The following F13A1 variants were observed in gnomAD, a reference collection of about 807,000 sequenced individuals.
F13A1 encodes the protein FSF, A subunit.
F13A1 carries 47 observed loss-of-function variants against 80.1 expected under a neutral mutation model. The ratio of observed to expected loss-of-function variants is 0.59; its 90% CI spans 0.46 to 0.75. The LOEUF is 0.75. Among genes scored for constraint, F13A1 ranks in the 30% least tolerant of loss-of-function variants. F13A1 has a pLI of 0.00. For synonymous variants in F13A1, 349 were observed against 344.9 expected (o/e 1.01, Z -0.13); for missense variants, 817 against 930.4 (o/e 0.88, Z 1.59).
At chr6:6,264,885 T>C (rs1187651162) in intron 4 of F13A1, among the ~76,000 whole-genome samples, 2 of 152,154 alleles carry the variant, frequency 1.3e-5, no homozygotes, top group Admixed American at 6.6e-5. Flanking sequence ...GATAGGAGTG[T>C]TGGGTACAAT....
Position 6,272,988 on chromosome 6 carries a change from T to C in F13A1, c.320-6179A>G, listed in dbSNP as rs2113132019. 1.3e-5 allele frequency among the ~76,000 whole-genome samples: 2 copies of C among 152,338 alleles called. 1 individual carries two copies. Among genetic ancestry groups the C allele is most frequent in the East Asian group, 3.9e-4 (2 of 5,180 alleles). On this transcript the variant is annotated intron_variant, in intron 3 of 14. Transcript: ENST00000264870. ...AAAAGCTTAAAACAATGACAGCGCA[T>C]TCCTCCACTTGCTTTCTGAGGATAC...
intron 13 of F13A1, among the ~76,000 whole-genome samples, chr6:6,164,750 C>T (rs892903494): frequency 1.3e-5 from 2 of 150,016 alleles, no homozygotes; most frequent in African/African-American, 4.9e-5. Flanking sequence ...TCCTCTTTTT[C>T]TCCTCTCCAT....
intron 2 of F13A1, among the ~76,000 whole-genome samples, chr6:6,316,079 A>ATGTG (rs1758677793): frequency 1.4e-3 from 4 of 2,858 alleles, no homozygotes; most frequent in Non-Finnish European, 2.1e-3. Context: ...GTGTGTGTGC[A>ATGTG]TATATATATA....
chr6:6,289,159 C>T (rs1023119777), intron 3 of F13A1, among the ~76,000 whole-genome samples: 7 of 152,116 alleles, frequency 4.6e-5, no homozygotes, highest in African/African-American at 1.4e-4. Flanking sequence ...TCCTTATTTG[C>T]AGGTGAGGAA....
At chr6:6,251,368 G>A (rs1757630356) in intron 4 of F13A1, among the ~76,000 whole-genome samples, 1 of 152,104 alleles carries the variant, frequency 6.6e-6, no homozygotes, top group South Asian at 2.1e-4. Flanking sequence ...TGGGACACGT[G>A]AGAAGGCCCA....
chr6:6,174,972 A>G, intron 11 of F13A1, 105 bp from the exon 12 acceptor site: 1 of 1,393,294 alleles, frequency 7.2e-7, no homozygotes, highest in Non-Finnish European at 1.0e-6. Context: ...TGTTTCTATA[A>G]TACAAGCTTC....
Position 6,176,191 on chromosome 6 carries a change from C to G in F13A1, c.1460-1324G>C, listed in dbSNP as rs186344374. On this transcript the variant is annotated intron_variant, in intron 11 of 14. Coordinates refer to ENST00000264870, the MANE Select transcript of F13A1 (RefSeq NM_000129.4). ...AAAAAAATCACTTTAAAATAAGAATCCTAGCTTTTATAATTATGCTAGTTT... is the reference window on the plus strand; with the variant it reads ...AAAAAAATCACTTTAAAATAAGAATGCTAGCTTTTATAATTATGCTAGTTT... Among the ~76,000 whole-genome samples the G allele has an allele frequency of 6.6e-5, 10 of 152,276 alleles. No individual in the cohort carries two copies. The East Asian group carries it at 1.9e-3, about 29-fold the overall frequency.
intron 11 of F13A1, among the ~76,000 whole-genome samples, chr6:6,176,033 AG>A (rs1297402103): frequency 6.6e-6 from 1 of 152,224 alleles, no homozygotes; most frequent in African/African-American, 2.4e-5. Flanking sequence ...TGCAGATGTG[AG>A]GGATGGTCAT....
intron 4 of F13A1, among the ~76,000 whole-genome samples, chr6:6,263,296 C>A (rs1232287047): frequency 2.6e-5 from 4 of 152,194 alleles, no homozygotes; most frequent in Non-Finnish European, 5.9e-5. Context: ...TTTAGTGAAA[C>A]CGTCCTTTTC....
intron 4 of F13A1, 51 bp downstream of exon 4, chr6:6,266,507 C>T: frequency 1.2e-6 from 2 of 1,613,972 alleles, no homozygotes; most frequent in Non-Finnish European, 1.7e-6. Flanking sequence ...CCATGGCACC[C>T]CGCCAAATAG....
rs3024435 is a variant in F13A1 at position 6,196,800 on chromosome 6, C to T, written c.1216+423G>A. Among the ~76,000 whole-genome samples, 367 of 152,228 alleles carry T rather than the reference C, an allele frequency of 2.4e-3. 2 individuals are homozygous for T. The highest frequency in any genetic ancestry group is 7.9e-3 in the African/African-American group (330 of 41,558). ...GAAATCACATGACATAAAAGGAGGC[C>T]AGGTTCTGGAAAAACAATTTAAAGG... On this transcript the variant is annotated intron_variant, in intron 9 of 14. Transcript: ENST00000264870.
chr6:6,256,620 A>G (rs1561670140), intron 4 of F13A1, among the ~76,000 whole-genome samples: 1 of 152,132 alleles, frequency 6.6e-6, no homozygotes, highest in Non-Finnish European at 1.5e-5. Flanking sequence ...TTAAAAAAGA[A>G]AAGAGTGGGC....
chr6:6,304,292 G>T (rs1758479142), intron 3 of F13A1, among the ~76,000 whole-genome samples: 1 of 151,840 alleles, frequency 6.6e-6, no homozygotes, highest in African/African-American at 2.4e-5. Flanking sequence ...GTACCTTTCT[G>T]TGACTGCTGA....
chr6:6,281,917 C>T (rs1458346230), intron 3 of F13A1, among the ~76,000 whole-genome samples: 1 of 148,736 alleles, frequency 6.7e-6, no homozygotes, highest in African/African-American at 2.5e-5. Context: ...TGGTATGAAC[C>T]CGGGAGGCAG....
intron 2 of F13A1, 123 bp from the exon 3 acceptor site, chr6:6,305,662 T>C: frequency 1.1e-6 from 1 of 890,554 alleles, no homozygotes; most frequent in East Asian, 2.6e-5. Flanking sequence ...AATGAAACTC[T>C]GTAGGAGGCA....
chr6:6,288,959 A>G (rs1317529396), intron 3 of F13A1, among the ~76,000 whole-genome samples: 1 of 152,158 alleles, frequency 6.6e-6, no homozygotes, highest in African/African-American at 2.4e-5. Flanking sequence ...CTTTTGAGAA[A>G]TGTTTGCTCA....
intron 12 of F13A1, among the ~76,000 whole-genome samples, chr6:6,171,258 A>G (rs1760767613): frequency 6.6e-6 from 1 of 152,156 alleles, no homozygotes; most frequent in African/African-American, 2.4e-5. Context: ...TGTCACTGCT[A>G]TTATCTGTCT....
At chr6:6,225,248 A>T (rs115225376) in intron 6 of F13A1, among the ~76,000 whole-genome samples, 2,594 of 152,214 alleles carry the variant, frequency 0.017, 74 homozygotes, top group African/African-American at 0.058. Flanking sequence ...CAAGTAGGGA[A>T]CTTGTCTTGG....
chr6:6,224,720 G>C lies in F13A1; in HGVS notation c.939C>G (p.Gly313=). The change falls in exon 7 of 15, where the codon GGC becomes GGG. Residue 313 remains glycine, a synonymous_variant. Transcript: ENST00000264870. The part of the protein sequence containing the change: ...YRSSENPVRY[G]QCWVFAGVFN... ...AGACACCAGCAAAAACCCAGCATTG[G>C]CCATACCGGACTGGATTCTCAGAGC... The C allele has an allele frequency of 6.2e-7, 1 of 1,614,036 alleles. No individual in the cohort carries two copies. Among genetic ancestry groups the C allele is most frequent in the Non-Finnish European group, 8.5e-7 (1 of 1,179,942 alleles).
Sources: allele counts gnomAD v4.1 joint callset (sites outside exome capture counted in the v4.1 genomes callset), GRCh38; gene constraint gnomAD v4.1.1; transcripts MANE v1.5; gene names NCBI Gene and HGNC (gene_info 2026-07-23, HGNC 2026-07-21).